Variants in FHL2 observed in about 807,000 individuals in gnomAD.
FHL2 encodes four and a half LIM domains 2.
Under a neutral mutation model 32.7 loss-of-function variants are expected in FHL2, and 20 were observed. That is an observed-to-expected ratio of 0.61 (90% confidence interval 0.43 to 0.89). The LOEUF is 0.89. Among genes scored for constraint, FHL2 ranks in the 40% least tolerant of loss-of-function variants. The pLI is 0.00. For synonymous variants in FHL2, 123 were observed against 128.1 expected (o/e 0.96, Z 0.27); for missense variants, 311 against 358.6 (o/e 0.87, Z 1.07).
intron 4 of FHL2, among the ~76,000 whole-genome samples, chr2:105,370,337 T>C (rs1680959323): frequency 6.6e-6 from 1 of 151,632 alleles, no homozygotes; most frequent in African/African-American, 2.4e-5. Flanking sequence ...ATCGTACCAC[T>C]ACTCTCCCGC....
chr2:105,380,480 C>T (rs1352348103), intron 3 of FHL2, among the ~76,000 whole-genome samples: 1 of 152,202 alleles, frequency 6.6e-6, no homozygotes, highest in African/African-American at 2.4e-5. Flanking sequence ...CCTCCTGCCT[C>T]AGCCTCCCAA....
intron 2 of FHL2, among the ~76,000 whole-genome samples, chr2:105,388,678 A>T (rs1682498608): frequency 6.6e-6 from 1 of 151,842 alleles, no homozygotes; most frequent in Non-Finnish European, 1.5e-5. Flanking sequence ...CAAAAAAAAA[A>T]AAAAAATTAG....
intron 4 of FHL2, among the ~76,000 whole-genome samples, chr2:105,372,313 T>C (rs1681137547): frequency 6.6e-6 from 1 of 151,968 alleles, no homozygotes; most frequent in Admixed American, 6.6e-5. Flanking sequence ...GCAAGCTCCA[T>C]CTCCTGGGTT....
At chr2:105,414,474 C>G (rs1298894969) in intron 1 of FHL2, among the ~76,000 whole-genome samples, 4 of 152,116 alleles carry the variant, frequency 2.6e-5, no homozygotes, top group African/African-American at 4.8e-5. Flanking sequence ...TAGGACCCGC[C>G]CCCCCTCCGC....
intron 4 of FHL2, among the ~76,000 whole-genome samples, chr2:105,372,484 C>G (rs1031779528): frequency 2.6e-5 from 4 of 152,164 alleles, no homozygotes; most frequent in African/African-American, 9.7e-5. Context: ...CTTAGCCTTG[C>G]AAAGTGCTGG....
intron 4 of FHL2, among the ~76,000 whole-genome samples, chr2:105,373,321 C>G (rs1681227443): frequency 6.6e-6 from 1 of 152,196 alleles, no homozygotes; most frequent in Non-Finnish European, 1.5e-5. Flanking sequence ...CTTACTCTAA[C>G]AATTTGACTG....
chr2:105,404,387 G>C (rs1038718032), intron 1 of FHL2, among the ~76,000 whole-genome samples: 1 of 152,174 alleles, frequency 6.6e-6, no homozygotes, highest in Admixed American at 6.5e-5. Context: ...GATCAAACCA[G>C]CACCCCTCCT....
intron 2 of FHL2, among the ~76,000 whole-genome samples, chr2:105,396,120 G>A (rs1683111552): frequency 6.6e-6 from 1 of 152,236 alleles, no homozygotes; most frequent in Admixed American, 6.5e-5. Flanking sequence ...AGCTGTAATA[G>A]TCAGGGTTTT....
At chr2:105,423,999 T>C (rs1049900347) in intron 1 of FHL2, among the ~76,000 whole-genome samples, 3 of 152,060 alleles carry the variant, frequency 2.0e-5, no homozygotes, top group African/African-American at 7.2e-5. Context: ...CCAAAAGCAA[T>C]GGCAACAAAA....
intron 2 of FHL2, among the ~76,000 whole-genome samples, 169 bp downstream of exon 2, chr2:105,396,478 T>G (rs1232423631): frequency 6.6e-6 from 1 of 152,152 alleles, no homozygotes; most frequent in Non-Finnish European, 1.5e-5. Flanking sequence ...AGTCTACCCA[T>G]TCATATGTCA....
upstream of FHL2, among the ~76,000 whole-genome samples, chr2:105,402,205 A>G (rs957825540): frequency 6.0e-5 from 9 of 148,888 alleles, no homozygotes; most frequent in African/African-American, 2.3e-4. Flanking sequence ...ATATATGTGT[A>G]TATATGTATA....
At chr2:105,419,004 C>T (rs1684020670) in intron 1 of FHL2, among the ~76,000 whole-genome samples, 1 of 152,108 alleles carries the variant, frequency 6.6e-6, no homozygotes, top group Admixed American at 6.5e-5. Context: ...GGAACTTATC[C>T]CCACCAGATA....
At position 105,410,531 on chromosome 2, in the gene FHL2, A is replaced by G. The variant is rs192876065; in HGVS notation, c.-24-23991T>C. Among the ~76,000 whole-genome samples the G allele has an allele frequency of 9.9e-5, 15 of 152,280 alleles. 1 individual carries two copies. In the East Asian group the frequency reaches 2.7e-3, roughly 27 times the overall value. ...TCACTCGAATGGTGCTAAGCTACCT[A>G]CTAGCAGATTTAGCAGGGTGATGCC... On this transcript the variant is annotated intron_variant, in intron 1 of 5. Transcript: ENST00000393352.
At chr2:105,433,053 G>A (rs1182794369) in intron 1 of FHL2, among the ~76,000 whole-genome samples, 1 of 152,186 alleles carries the variant, frequency 6.6e-6, no homozygotes, top group Admixed American at 6.5e-5. Context: ...AGGTTACAGT[G>A]CTAGCTCTCA....
intron 1 of FHL2, among the ~76,000 whole-genome samples, chr2:105,428,866 G>C (rs1020188270): frequency 5.3e-5 from 8 of 152,188 alleles, no homozygotes; most frequent in African/African-American, 1.9e-4. Context: ...TTGGATGGGA[G>C]GCATGTCATG....
chr2:105,401,161 T>G (rs930753792), upstream of FHL2, among the ~76,000 whole-genome samples: 1 of 150,938 alleles, frequency 6.6e-6, no homozygotes, highest in Non-Finnish European at 1.5e-5. Flanking sequence ...AATATGACAC[T>G]GACAGGATAT....
chr2:105,384,096 T>G (rs2104577712), intron 3 of FHL2, among the ~76,000 whole-genome samples: 1 of 152,336 alleles, frequency 6.6e-6, no homozygotes, highest in South Asian at 2.1e-4. Context: ...GATTTTTGTT[T>G]TGTTTTTATT....
At chr2:105,398,604 C>T (rs181419405) in intron 1 of FHL2, among the ~76,000 whole-genome samples, 13 of 152,326 alleles carry the variant, frequency 8.5e-5, no homozygotes, top group Non-Finnish European at 1.2e-4. Context: ...GGCTGCAGTC[C>T]TCCCTCTGGG....
At chr2:105,358,535 A>C (rs571978419), downstream of FHL2, 1 of 152,470 alleles carries the variant, frequency 6.6e-6, no homozygotes, top group South Asian at 2.1e-4. Flanking sequence ...AGTTTGTCAC[A>C]TGAAGCTGGG....
Sources: allele counts gnomAD v4.1 joint callset (sites outside exome capture counted in the v4.1 genomes callset), GRCh38; gene constraint gnomAD v4.1.1; transcripts MANE v1.5; gene names NCBI Gene and HGNC (gene_info 2026-07-23, HGNC 2026-07-21).